Variants in QTGAL observed in about 807,000 individuals in gnomAD.
QTGAL encodes the protein BGnT-like protein 1.
chr17:83,046,938 A>C, the QTGAL span, among the ~76,000 whole-genome samples: 1 of 152,254 alleles, frequency 6.6e-6, no homozygotes, highest in Admixed American at 6.5e-5. Flanking sequence ...GGAACGTTAA[A>C]ACGTTATGCT....
At chr17:82,972,675 C>T in the QTGAL span, among the ~76,000 whole-genome samples, 739 of 129,412 alleles carry the variant, frequency 5.7e-3, 2 homozygotes, top group Non-Finnish European at 8.5e-3. Context: ...GCCAGAAGGA[C>T]CCGGTACTGA....
chr17:83,007,340 G>A, the QTGAL span: 1 of 921,438 alleles, frequency 1.1e-6, no homozygotes, highest in Non-Finnish European at 1.3e-6. Context: ...TGTTTGGTGT[G>A]TCTGTTTCTG....
the QTGAL span, among the ~76,000 whole-genome samples, chr17:82,973,476 T>C: frequency 1.3e-5 from 2 of 152,118 alleles, no homozygotes; most frequent in African/African-American, 2.4e-5. Context: ...GCAGCGCTCC[T>C]GAGAATGGAA....
the QTGAL span, chr17:82,957,317 G>T: frequency 6.2e-7 from 1 of 1,613,962 alleles, no homozygotes. Context: ...GGGACAGTAC[G>T]GGGGCAGGGC....
the QTGAL span, among the ~76,000 whole-genome samples, chr17:82,988,658 G>C: frequency 6.6e-6 from 1 of 151,968 alleles, no homozygotes; most frequent in Non-Finnish European, 1.5e-5. Flanking sequence ...AACTTTACAA[G>C]AAAAAACAAA....
the QTGAL span, chr17:82,942,352 CAGTCCCCACACAGGGCCCAGAGGGGTGAG>C: frequency 6.4e-7 from 1 of 1,557,448 alleles, no homozygotes; most frequent in African/African-American, 1.4e-5. Flanking sequence ...GGAACCGTGT[CAGTCCCCACACAGGGCCCAGAGGGGTGAG>C]GGTCCCCTGG....
the QTGAL span, among the ~76,000 whole-genome samples, chr17:83,008,851 C>G: frequency 5.7e-4 from 86 of 151,974 alleles, no homozygotes; most frequent in African/African-American, 2.1e-3. Context: ...GATCCCAGCC[C>G]GGATCCCTGC....
chr17:83,045,064 A>G, the QTGAL span, among the ~76,000 whole-genome samples: 7 of 152,276 alleles, frequency 4.6e-5, no homozygotes, highest in African/African-American at 1.4e-4. Flanking sequence ...AAACTATTAA[A>G]GCTAATAAAC....
the QTGAL span, chr17:82,956,836 G>A: frequency 9.2e-6 from 14 of 1,518,102 alleles, no homozygotes; most frequent in Middle Eastern, 1.7e-4. This position sits in a 1 kb window ranked among gnomAD's most constrained non-coding sequence, Gnocchi z 5.7. Context: ...ACGCCCTCAG[G>A]GTGCACGCAG....
the QTGAL span, chr17:82,948,516 A>G: frequency 1.3e-5 from 2 of 152,252 alleles, no homozygotes; most frequent in East Asian, 3.9e-4. Flanking sequence ...GGACGTGGAG[A>G]AAGTCCACAC....
the QTGAL span, among the ~76,000 whole-genome samples, chr17:82,994,713 T>C: frequency 1.3e-3 from 195 of 152,232 alleles, 2 homozygotes; most frequent in East Asian, 0.031. Flanking sequence ...AATTTTACCC[T>C]GATACCAAAA....
At chr17:83,009,330 A>C in the QTGAL span, among the ~76,000 whole-genome samples, 1 of 152,094 alleles carries the variant, frequency 6.6e-6, no homozygotes, top group Non-Finnish European at 1.5e-5. Flanking sequence ...AGGCTGAGGC[A>C]GGAGAATCAC....
the QTGAL span, among the ~76,000 whole-genome samples, chr17:83,010,522 G>A: frequency 6.6e-6 from 1 of 152,242 alleles, no homozygotes; most frequent in African/African-American, 2.4e-5. Flanking sequence ...GTCACACACC[G>A]GTCTGGGCAT....
the QTGAL span, among the ~76,000 whole-genome samples, chr17:83,041,670 T>G: frequency 0.5 from 76,486 of 152,108 alleles, 19,438 homozygotes; most frequent in East Asian, 0.65. Context: ...TCAAAAATGC[T>G]TGGGGGCCTG....
chr17:82,942,628 G>C, the QTGAL span: 1 of 842,496 alleles, frequency 1.2e-6, no homozygotes. Flanking sequence ...CTGCACCTGC[G>C]CTCTGGTGAC....
chr17:83,010,932 G>A, the QTGAL span, among the ~76,000 whole-genome samples: 3 of 152,226 alleles, frequency 2.0e-5, no homozygotes, highest in Non-Finnish European at 4.4e-5. Context: ...CCCAGTGCAC[G>A]AGGGTGGGTG....
At chr17:83,017,759 GT>G in the QTGAL span, among the ~76,000 whole-genome samples, 1 of 151,886 alleles carries the variant, frequency 6.6e-6, no homozygotes, top group African/African-American at 2.4e-5. Context: ...CATGTGCTCC[GT>G]GAACATGGTG....
At chr17:83,006,678 G>A in the QTGAL span, 2 of 985,358 alleles carry the variant, frequency 2.0e-6, no homozygotes, top group Non-Finnish European at 2.4e-6. This position sits in a 1 kb window ranked among gnomAD's most constrained non-coding sequence, Gnocchi z 5.8. Flanking sequence ...CATGATCCGG[G>A]AACGTGCAGG....
chr17:82,959,715 C>T, the QTGAL span, among the ~76,000 whole-genome samples: 10 of 151,766 alleles, frequency 6.6e-5, no homozygotes, highest in South Asian at 2.1e-4. Flanking sequence ...CCTCTGTGGC[C>T]GTGGGTGGCA....
Sources: gnomAD v4.1 joint callset for allele counts (sites outside exome capture counted in the v4.1 genomes callset) on GRCh38, gnomAD v4.1.1 for gene constraint, Gnocchi (gnomAD v3.1) non-coding constraint, MANE v1.5 for transcripts, NCBI Gene and HGNC (gene_info 2026-07-23, HGNC 2026-07-21) for gene names.